Variants in SNX6 observed in about 807,000 individuals in gnomAD.
SNX6 encodes the protein sorting nexin 6, also known as sorting nexin-6.
In SNX6, 34 loss-of-function variants were observed where a neutral mutation model predicts 63.0. The observed-to-expected ratio is 0.54, with a 90% CI of 0.41 to 0.72. SNX6 has a LOEUF of 0.72. Ranked by LOEUF, SNX6 falls within the 30% of genes least tolerant of loss-of-function variation. The probability of loss-of-function intolerance (pLI) is 0.00; values close to 1 mark genes in which losing one functional copy is unlikely to be tolerated. For missense variants in SNX6, 398 were observed against 471.4 expected, an observed-to-expected ratio of 0.84 and a Z score of 1.44; for synonymous variants, 170 against 164.2, an observed-to-expected ratio of 1.04 and a Z score of -0.27.
At chr14:34,582,715 G>A (rs544192091) in intron 9 of SNX6, among the ~76,000 whole-genome samples, 1 of 151,836 alleles carries the variant, frequency 6.6e-6, no homozygotes, top group Non-Finnish European at 1.5e-5. Context: ...GCTAATTTTT[G>A]TATTTTTAGT....
chr14:34,608,698 T>C lies in SNX6; in HGVS notation c.160-558A>G, dbSNP rs2138355444. Among the ~76,000 whole-genome samples the C allele has an allele frequency of 1.3e-5, 2 of 152,228 alleles. 1 individual carries two copies. Among genetic ancestry groups the C allele is most frequent in the Middle Eastern group, 6.8e-3 (2 of 294 alleles). ...TCAAACAAAGGAAAGAAATCTGCAA[T>C]CTGAAAATGTGCTCAAGAACTGAAA... On this transcript the variant is annotated intron_variant, in intron 3 of 13. Transcript: ENST00000362031.
chr14:34,599,773 C>CAAAAAAAAAA (rs58894384), intron 6 of SNX6, among the ~76,000 whole-genome samples: 1 of 129,358 alleles, frequency 7.7e-6, no homozygotes, highest in South Asian at 2.6e-4. Context: ...GACTCTGTCT[C>CAAAAAAAAAA]AAAAAAAAAA....
intron 11 of SNX6, among the ~76,000 whole-genome samples, chr14:34,573,412 T>C (rs749473304): frequency 6.6e-6 from 1 of 151,906 alleles, no homozygotes; most frequent in Non-Finnish European, 1.5e-5. Context: ...CCGTATCTAC[T>C]AAAAATACAA....
At chr14:34,587,560 A>AAT (rs1882224386) in intron 8 of SNX6, among the ~76,000 whole-genome samples, 1 of 130,398 alleles carries the variant, frequency 7.7e-6, no homozygotes, top group Non-Finnish European at 1.6e-5. Context: ...AAAAAAAAAA[A>AAT]GGGCATCTAA....
At chr14:34,592,442 G>T (rs1882433047) in intron 8 of SNX6, among the ~76,000 whole-genome samples, 1 of 152,132 alleles carries the variant, frequency 6.6e-6, no homozygotes, top group African/African-American at 2.4e-5. Flanking sequence ...TACTCGTCCA[G>T]TTTGTTGCCA....
chr14:34,595,006 C>G (rs1022295562), intron 7 of SNX6, among the ~76,000 whole-genome samples: 1 of 152,038 alleles, frequency 6.6e-6, no homozygotes, highest in Non-Finnish European at 1.5e-5. Flanking sequence ...GTGGGAGGAT[C>G]GCCTGAGCCT....
chr14:34,610,348 G>A (rs1215994555), intron 2 of SNX6, among the ~76,000 whole-genome samples: 2 of 51,350 alleles, frequency 3.9e-5, no homozygotes, highest in East Asian at 9.3e-4. Context: ...GAGCAAAACC[G>A]TCTCAAAAAA....
At chr14:34,629,594 C>T in intron 2 of SNX6, 2 of 629,278 alleles carry the variant, frequency 3.2e-6, no homozygotes, top group East Asian at 3.2e-5. Context: ...AGGGTGGGGG[C>T]GTTCCATCTC....
At chr14:34,616,156 A>G (rs980758393) in intron 2 of SNX6, among the ~76,000 whole-genome samples, 10 of 151,914 alleles carry the variant, frequency 6.6e-5, no homozygotes, top group Admixed American at 1.3e-4. Flanking sequence ...GGGTTTCACA[A>G]TGTTGGCCAG....
intron 10 of SNX6, 76 bp downstream of exon 10, chr14:34,581,485 T>C (rs1241697664): frequency 2.3e-6 from 2 of 875,748 alleles, no homozygotes; most frequent in South Asian, 2.0e-5. Flanking sequence ...ATTTTCTGAA[T>C]TGTGGTAAAA....
chr14:34,629,692 G>T (rs1883965072), intron 2 of SNX6: 1 of 796,678 alleles, frequency 1.3e-6, no homozygotes, highest in African/African-American at 1.7e-5. Context: ...CGGGGGACAA[G>T]AAAGCGGCCG....
At chr14:34,602,869 G>T (rs1384520728) in intron 6 of SNX6, among the ~76,000 whole-genome samples, 1 of 151,418 alleles carries the variant, frequency 6.6e-6, no homozygotes, top group Non-Finnish European at 1.5e-5. Context: ...CCAGCTACTC[G>T]GGAGGCTGAG....
At chr14:34,573,276 C>A (rs1881531605) in intron 11 of SNX6, among the ~76,000 whole-genome samples, 1 of 152,068 alleles carries the variant, frequency 6.6e-6, no homozygotes, top group Non-Finnish European at 1.5e-5. Context: ...CAGTACCCAG[C>A]CAAAAAAACT....
At chr14:34,589,473 A>C (rs975161753) in intron 8 of SNX6, among the ~76,000 whole-genome samples, 4 of 151,888 alleles carry the variant, frequency 2.6e-5, no homozygotes, top group African/African-American at 4.8e-5. Flanking sequence ...ACACAAAACA[A>C]AACAAAAAAC....
intron 2 of SNX6, among the ~76,000 whole-genome samples, chr14:34,616,790 C>T (rs760103035): frequency 1.2e-4 from 18 of 152,120 alleles, no homozygotes; most frequent in African/African-American, 2.2e-4. Context: ...AAAATTTAAT[C>T]GGCTGGGTGT....
chr14:34,589,978 C>T (rs145097762), intron 8 of SNX6, among the ~76,000 whole-genome samples: 44 of 152,190 alleles, frequency 2.9e-4, no homozygotes, highest in Middle Eastern at 3.4e-3. Flanking sequence ...AAATTAGCCA[C>T]GCATGGTGGC....
intron 10 of SNX6, among the ~76,000 whole-genome samples, chr14:34,579,042 T>C (rs1594705267): frequency 1.3e-5 from 2 of 151,094 alleles, no homozygotes; most frequent in Non-Finnish European, 2.9e-5. Context: ...TTAACAAGCT[T>C]GTAGAACAAC....
chr14:34,584,858 CT>C (rs561675800), intron 9 of SNX6, among the ~76,000 whole-genome samples: 3 of 149,284 alleles, frequency 2.0e-5, no homozygotes, highest in South Asian at 4.3e-4. Flanking sequence ...TTTCTTTTTT[CT>C]TTTTTTTTCT....
chr14:34,573,675 G>C lies in SNX6; in HGVS notation c.921+2081C>G, dbSNP rs1006916789. 3.3e-5 allele frequency among the ~76,000 whole-genome samples: 5 copies of C among 150,032 alleles called. No homozygotes were observed. In the East Asian group the frequency reaches 9.9e-4, roughly 30 times the overall value. On this transcript the variant is annotated intron_variant, in intron 11 of 13. Coordinates refer to ENST00000362031, the MANE Select transcript of SNX6 (RefSeq NM_152233.4). Reference sequence around the variant, plus strand: ...TTTTTTCGAGACGGAGTCTCGCTTTGTCGCCCAGGCTGGAATGCAATGGCG... The same window carrying C: ...TTTTTTCGAGACGGAGTCTCGCTTTCTCGCCCAGGCTGGAATGCAATGGCG...
Sources: gnomAD v4.1 joint callset for allele counts (sites outside exome capture counted in the v4.1 genomes callset) on GRCh38, gnomAD v4.1.1 for gene constraint, MANE v1.5 for transcripts, NCBI Gene and HGNC (gene_info 2026-07-23, HGNC 2026-07-21) for gene names.